Variants in CCSER1 observed in about 807,000 individuals in gnomAD.
The protein encoded by CCSER1 is serine-rich coiled-coil domain-containing protein 1.
CCSER1 carries 41 observed loss-of-function variants against 82.0 expected under a neutral mutation model. The observed-to-expected ratio is 0.50, with a 90% CI of 0.39 to 0.65. The LOEUF (loss-of-function observed/expected upper bound fraction) is 0.65, where lower values mean the gene tolerates loss of function less well. Among genes scored for constraint, CCSER1 ranks in the 30% least tolerant of loss-of-function variants. The pLI is 0.00. For missense variants in CCSER1, 1,119 were observed against 1,064.2 expected, an observed-to-expected ratio of 1.05 and a Z score of -0.72; for synonymous variants, 414 against 383.9, an observed-to-expected ratio of 1.08 and a Z score of -0.92.
chr4:91,115,015 T>A (rs1726425369), intron 10 of CCSER1, among the ~76,000 whole-genome samples: 1 of 152,116 alleles, frequency 6.6e-6, no homozygotes, highest in Non-Finnish European at 1.5e-5. Context: ...AATTGGAAAG[T>A]TAGCAAAATA....
At chr4:90,396,823 T>C (rs1752029426) in intron 3 of CCSER1, among the ~76,000 whole-genome samples, 1 of 152,114 alleles carries the variant, frequency 6.6e-6, no homozygotes, top group African/African-American at 2.4e-5. Flanking sequence ...CTTTCTTTCT[T>C]TTCCCTTTCT....
rs568021683 is a variant in CCSER1 at position 91,324,811 on chromosome 4, C to T, written c.2217+238817C>T. Among the ~76,000 whole-genome samples, 8 of 152,204 alleles carry T rather than the reference C, an allele frequency of 5.3e-5. No individual in the cohort carries two copies. In the South Asian group the frequency reaches 1.7e-3, roughly 32 times the overall value. On this transcript the variant is annotated intron_variant, in intron 10 of 10. Coordinates refer to ENST00000509176, the MANE Select transcript of CCSER1 (RefSeq NM_001145065.2). ...AAGCCTTCAGTGTAGTATTGAGCAT[C>T]TTTGGGGAACTGCTGGAAAGGCATG...
rs559609054 is a variant in CCSER1 at position 90,261,002 on chromosome 4, C to G, written c.-41-47242C>G. Reference sequence around the variant, plus strand: ...AAGTACTAGGATTAGAGGTGTGAGGCACCACACCTGGCTAGGTGTTGGTTT... The same window carrying G: ...AAGTACTAGGATTAGAGGTGTGAGGGACCACACCTGGCTAGGTGTTGGTTT... On this transcript the variant is annotated intron_variant, in intron 1 of 10. Coordinates refer to ENST00000509176, the MANE Select transcript of CCSER1 (RefSeq NM_001145065.2). Among the ~76,000 whole-genome samples, 3 of 152,314 alleles carry G rather than the reference C, an allele frequency of 2.0e-5. No individual in the cohort carries two copies. The South Asian group carries it at 6.2e-4, about 32-fold the overall frequency.
intron 10 of CCSER1, among the ~76,000 whole-genome samples, chr4:91,541,349 G>A (rs1304926488): frequency 1.3e-5 from 2 of 152,106 alleles, no homozygotes; most frequent in African/African-American, 2.4e-5. Context: ...ATTTTTATTA[G>A]GTATATCTCC....
rs1730211185 is a variant in CCSER1 at position 90,932,978 on chromosome 4, GAAAGA to G, written c.2172+9532_2172+9536del. Among the ~76,000 whole-genome samples, 8 of 27,948 alleles carry G rather than the reference GAAAGA, an allele frequency of 2.9e-4. 2 individuals are homozygous for G. Among genetic ancestry groups the G allele is most frequent in the Non-Finnish European group, 3.8e-4 (6 of 15,872 alleles). The allele number at this position is 27,948 out of a possible 152,430, so 18.3% of individuals were successfully genotyped here. A position where few individuals can be genotyped will look rare whatever the true frequency, so the allele number is the denominator to read the frequency against. ...AGAAAGAAAGAAAGAAAGAAAGAAAGAAAGAGAAAGAAAGAAAGAAAGAAAGAAAG... is the reference window on the plus strand; with the variant it reads ...AGAAAGAAAGAAAGAAAGAAAGAAAGGAAAGAAAGAAAGAAAGAAAGAAAG... On this transcript the variant is annotated intron_variant, in intron 9 of 10. Coordinates refer to ENST00000509176, the MANE Select transcript of CCSER1 (RefSeq NM_001145065.2).
At chr4:90,761,853 C>G (rs770460435) in intron 7 of CCSER1, among the ~76,000 whole-genome samples, 1 of 151,618 alleles carries the variant, frequency 6.6e-6, no homozygotes, top group Admixed American at 6.6e-5. Context: ...TGCAAATGGC[C>G]AAAGTGAGAA....
At chr4:91,532,351 A>T (rs539018172) in intron 10 of CCSER1, among the ~76,000 whole-genome samples, 1 of 152,278 alleles carries the variant, frequency 6.6e-6, no homozygotes, top group South Asian at 2.1e-4. Context: ...GTAATTCTCT[A>T]ATGGTTTGGA....
intron 10 of CCSER1, among the ~76,000 whole-genome samples, chr4:91,156,713 TTTC>T (rs1730855736): frequency 6.6e-6 from 1 of 151,796 alleles, no homozygotes; most frequent in African/African-American, 2.4e-5. Context: ...TCCGTAAATC[TTTC>T]TTCATTTGCA....
intron 8 of CCSER1, among the ~76,000 whole-genome samples, chr4:90,881,820 A>G (rs1721369274): frequency 6.6e-6 from 1 of 152,078 alleles, no homozygotes; most frequent in Non-Finnish European, 1.5e-5. Context: ...AAAAACACCT[A>G]TAGATGAATC....
intron 7 of CCSER1, among the ~76,000 whole-genome samples, chr4:90,740,459 T>C (rs886476898): frequency 6.6e-6 from 1 of 152,214 alleles, no homozygotes; most frequent in African/African-American, 2.4e-5. Flanking sequence ...GCTTAATTTG[T>C]GTTAAAAGAT....
At chr4:91,534,632 T>A (rs1394181842) in intron 10 of CCSER1, among the ~76,000 whole-genome samples, 1 of 152,030 alleles carries the variant, frequency 6.6e-6, no homozygotes, top group East Asian at 1.9e-4. Flanking sequence ...ATTGCTATTG[T>A]TGCTATTATT....
At chr4:90,791,354 T>G (rs1054959895) in intron 7 of CCSER1, among the ~76,000 whole-genome samples, 1 of 152,104 alleles carries the variant, frequency 6.6e-6, no homozygotes, top group Non-Finnish European at 1.5e-5. Context: ...AGTAATCTTT[T>G]GTGGAAAGAA....
At chr4:90,653,852 T>A (rs1729218716) in intron 6 of CCSER1, among the ~76,000 whole-genome samples, 1 of 152,156 alleles carries the variant, frequency 6.6e-6, no homozygotes, top group Non-Finnish European at 1.5e-5. Flanking sequence ...GACTGGGTAA[T>A]TTATGAAGAA....
At chr4:90,303,817 A>G (rs1000967243) in intron 1 of CCSER1, among the ~76,000 whole-genome samples, 1 of 151,874 alleles carries the variant, frequency 6.6e-6, no homozygotes, top group Admixed American at 6.6e-5. Flanking sequence ...TAATTAAACT[A>G]AAGAGCTTCT....
At chr4:91,023,707 A>G (rs555536961) in intron 9 of CCSER1, among the ~76,000 whole-genome samples, 2 of 152,312 alleles carry the variant, frequency 1.3e-5, no homozygotes, top group African/African-American at 2.4e-5. Flanking sequence ...TAAAAACCCT[A>G]GAAGAAAACC....
chr4:90,689,787 C>A (rs748888355), intron 6 of CCSER1, among the ~76,000 whole-genome samples: 6 of 152,102 alleles, frequency 3.9e-5, no homozygotes, highest in Non-Finnish European at 8.8e-5. Context: ...TAGCCTGATT[C>A]TGTGGGAAGC....
chr4:91,052,430 A>G (rs1488196500), intron 9 of CCSER1, among the ~76,000 whole-genome samples: 4 of 152,068 alleles, frequency 2.6e-5, no homozygotes, highest in African/African-American at 9.7e-5. Context: ...TTAAAAATAT[A>G]TAATCTATTG....
chr4:90,387,802 A>G (rs909037656), intron 3 of CCSER1, among the ~76,000 whole-genome samples: 4 of 152,142 alleles, frequency 2.6e-5, no homozygotes, highest in Non-Finnish European at 5.9e-5. Flanking sequence ...GAATCCTTCC[A>G]GTTTCTACCC....
At chr4:90,801,683 A>T (rs1223768383) in intron 7 of CCSER1, among the ~76,000 whole-genome samples, 1 of 152,198 alleles carries the variant, frequency 6.6e-6, no homozygotes, top group African/African-American at 2.4e-5. Flanking sequence ...AATTATTAAT[A>T]ATTTCAATAC....
Sources: allele counts gnomAD v4.1 joint callset (sites outside exome capture counted in the v4.1 genomes callset), GRCh38; gene constraint gnomAD v4.1.1; transcripts MANE v1.5; gene names NCBI Gene and HGNC (gene_info 2026-07-23, HGNC 2026-07-21).